The following GABPB1 variants were observed in gnomAD, a reference collection of about 807,000 sequenced individuals.
The protein encoded by GABPB1 is GA binding protein transcription factor subunit beta 1, also known as GA-binding protein subunit beta-1.
Under a neutral mutation model 45.9 loss-of-function variants are expected in GABPB1, and 15 were observed. The ratio of observed to expected loss-of-function variants is 0.33; its 90% CI spans 0.22 to 0.50. The LOEUF (loss-of-function observed/expected upper bound fraction) is 0.50. Among genes scored for constraint, GABPB1 ranks in the 20% least tolerant of loss-of-function variants. GABPB1 has a pLI of 0.98. For missense variants in GABPB1, 252 were observed against 457.5 expected (o/e 0.55, Z 4.10); for synonymous variants, 143 against 154.4 (o/e 0.93, Z 0.55).
chr15:50,301,178 A>G (rs1204302436), intron 5 of GABPB1, 79 bp downstream of exon 5: 1 of 1,564,438 alleles, frequency 6.4e-7, no homozygotes, highest in Admixed American at 1.8e-5. Flanking sequence ...AATACCTACT[A>G]AAGCATAAAA....
intron 8 of GABPB1, among the ~76,000 whole-genome samples, chr15:50,283,580 G>A (rs913430413): frequency 2.7e-5 from 4 of 150,496 alleles, no homozygotes; most frequent in South Asian, 4.2e-4. Flanking sequence ...GCATAATCTC[G>A]GCTCACTGCA....
chr15:50,328,898 G>A (rs995682372), intron 1 of GABPB1, among the ~76,000 whole-genome samples: 3 of 152,010 alleles, frequency 2.0e-5, no homozygotes, highest in Non-Finnish European at 2.9e-5. Context: ...ATATATTATC[G>A]TTTTTCATTA....
chr15:50,280,177 C>T (rs1309566897), intron 8 of GABPB1, among the ~76,000 whole-genome samples: 1 of 152,082 alleles, frequency 6.6e-6, no homozygotes, highest in Non-Finnish European at 1.5e-5. Flanking sequence ...AAGGAATGTC[C>T]CTTACTCCCA....
chr15:50,341,250 T>C (rs1567546429), intron 1 of GABPB1, among the ~76,000 whole-genome samples: 1 of 151,964 alleles, frequency 6.6e-6, no homozygotes, highest in Admixed American at 6.6e-5. Context: ...GAAAATGATT[T>C]AGGCCAGGCA....
chr15:50,326,617 G>A (rs2047775605), intron 1 of GABPB1, among the ~76,000 whole-genome samples: 1 of 152,052 alleles, frequency 6.6e-6, no homozygotes, highest in African/African-American at 2.4e-5. Flanking sequence ...AGCTGAGACG[G>A]CGCCATTGCA....
At chr15:50,297,745 GA>G (rs1333936214) in intron 6 of GABPB1, among the ~76,000 whole-genome samples, 3 of 152,186 alleles carry the variant, frequency 2.0e-5, no homozygotes, top group Non-Finnish European at 4.4e-5. Flanking sequence ...TGAGGCAGGA[GA>G]ATCGCTTGAA....
chr15:50,291,985 A>G (rs1206036633), intron 6 of GABPB1, among the ~76,000 whole-genome samples: 1 of 151,844 alleles, frequency 6.6e-6, no homozygotes, highest in Non-Finnish European at 1.5e-5. Flanking sequence ...AGGAAATGGG[A>G]AAGATATTCC....
intron 5 of GABPB1, 81 bp from the exon 6 acceptor site, chr15:50,300,983 G>A: frequency 1.1e-6 from 1 of 935,742 alleles, no homozygotes; most frequent in Non-Finnish European, 1.7e-6. Context: ...TTATCTTACT[G>A]ACTCTTAAAC....
chr15:50,353,288 G>C (rs1448276977), intron 1 of GABPB1: 8 of 152,030 alleles, frequency 5.3e-5, no homozygotes, highest in Admixed American at 5.2e-4. Context: ...AAAAAGTATG[G>C]GAATCAATCT....
At chr15:50,293,543 A>C (rs2046417438) in intron 6 of GABPB1, among the ~76,000 whole-genome samples, 1 of 152,256 alleles carries the variant, frequency 6.6e-6, no homozygotes, top group Non-Finnish European at 1.5e-5. Context: ...ATAGTAATAT[A>C]TTCAACAGAG....
intron 6 of GABPB1, among the ~76,000 whole-genome samples, chr15:50,299,390 C>G (rs1428937660): frequency 1.3e-5 from 2 of 152,130 alleles, no homozygotes; most frequent in African/African-American, 4.8e-5. Context: ...CATCATTTAA[C>G]AACAGGTAAC....
chr15:50,317,328 C>T (rs1160942643), intron 1 of GABPB1, among the ~76,000 whole-genome samples: 4 of 147,790 alleles, frequency 2.7e-5, no homozygotes, highest in African/African-American at 1.0e-4. Context: ...CGCTTGAACC[C>T]GGGAGGCAGA....
intron 1 of GABPB1, 104 bp from the exon 2 acceptor site, chr15:50,309,902 C>T: frequency 1.5e-6 from 1 of 674,198 alleles, no homozygotes; most frequent in South Asian, 1.9e-5. Context: ...CTCAATTATC[C>T]CTTCAAAAGA....
At chr15:50,303,419 C>T (rs1183228909) in intron 3 of GABPB1, among the ~76,000 whole-genome samples, 3 of 152,172 alleles carry the variant, frequency 2.0e-5, no homozygotes, top group African/African-American at 7.2e-5. Flanking sequence ...CATGGTGGCT[C>T]ACACCTGTAA....
At chr15:50,324,510 A>C (rs7174960) in intron 1 of GABPB1, among the ~76,000 whole-genome samples, 93,169 of 149,164 alleles carry the variant, frequency 0.62, 29,928 homozygotes, top group African/African-American at 0.76. Context: ...CAGTGATCCA[A>C]TGCCCTGAAT....
intron 8 of GABPB1, among the ~76,000 whole-genome samples, chr15:50,281,496 C>A (rs749829153): frequency 6.6e-6 from 1 of 152,138 alleles, no homozygotes; most frequent in South Asian, 2.1e-4. Flanking sequence ...CAGGCGTGAG[C>A]CACTGCGCCC....
intron 1 of GABPB1, among the ~76,000 whole-genome samples, chr15:50,330,794 T>C (rs1299532677): frequency 1.3e-5 from 2 of 152,196 alleles, no homozygotes; most frequent in Non-Finnish European, 2.9e-5. Context: ...AACAAACAAA[T>C]GTTTACTGAG....
At chr15:50,298,382 G>A (rs1251729160) in intron 6 of GABPB1, among the ~76,000 whole-genome samples, 2 of 152,104 alleles carry the variant, frequency 1.3e-5, no homozygotes, top group African/African-American at 2.4e-5. Flanking sequence ...CACCACACCC[G>A]GCCAGAGGTA....
Position 50,314,055 on chromosome 15 carries a change from C to T in GABPB1, c.1-4257G>A, listed in dbSNP as rs2047223017. On this transcript the variant is annotated intron_variant, in intron 1 of 8. Transcript: ENST00000380877. ...ATCATGAAGCATTTGAACAAATCGA[C>T]TTTTACCATAATTATTCAATTGTCT... Among the ~76,000 whole-genome samples, 5 of 152,302 alleles carry T rather than the reference C, an allele frequency of 3.3e-5. No individual in the cohort carries two copies. In the South Asian group the frequency reaches 1.0e-3, roughly 32 times the overall value.
Sources: allele counts gnomAD v4.1 joint callset (sites outside exome capture counted in the v4.1 genomes callset), GRCh38; gene constraint gnomAD v4.1.1; transcripts MANE v1.5; gene names NCBI Gene and HGNC (gene_info 2026-07-23, HGNC 2026-07-21).